Variants in CDR2 observed in about 807,000 individuals in gnomAD.
The protein encoded by CDR2 is cerebellar degeneration related protein 2.
Under a neutral mutation model 48.4 loss-of-function variants are expected in CDR2, and 34 were observed. The observed-to-expected ratio is 0.70, with a 90% CI of 0.53 to 0.94. The LOEUF is 0.94. Among genes scored for constraint, CDR2 ranks in the 40% least tolerant of loss-of-function variants. The pLI, the probability that CDR2 is intolerant of heterozygous loss-of-function variation, is 0.00. For missense variants in CDR2, 498 were observed against 549.5 expected, an observed-to-expected ratio of 0.91 and a Z score of 0.94; for synonymous variants, 240 against 219.7, an observed-to-expected ratio of 1.09 and a Z score of -0.82.
chr16:22,369,263 T>C (rs1265766642), intron 1 of CDR2, among the ~76,000 whole-genome samples: 4 of 132,374 alleles, frequency 3.0e-5, no homozygotes, highest in Non-Finnish European at 4.7e-5. Flanking sequence ...ATGGGCAACA[T>C]AGCAAGACCT....
intron 2 of CDR2, among the ~76,000 whole-genome samples, chr16:22,358,519 C>T (rs2048991062): frequency 6.6e-6 from 1 of 151,892 alleles, no homozygotes; most frequent in Non-Finnish European, 1.5e-5. Flanking sequence ...ACATAAATAC[C>T]TATTTGCAAT....
chr16:22,346,924 GAT>G lies in CDR2; in HGVS notation c.*39_*40del, dbSNP rs750515691. ...ACTTGTCTGAATGGGAGAGAGAGGC[GAT>G]AGGCAATAGGCAAATTAGTAGTAGA... On this transcript the variant is annotated 3_prime_UTR_variant, in exon 5 of 5. Coordinates refer to ENST00000268383, the MANE Select transcript of CDR2 (RefSeq NM_001802.2). 11 of 1,575,608 alleles carry G rather than the reference GAT, an allele frequency of 7.0e-6. No individual in the cohort carries two copies. Among genetic ancestry groups the G allele is most frequent in the African/African-American group, 1.3e-5 (1 of 74,238 alleles).
At chr16:22,373,951 C>G (rs747544625) in intron 1 of CDR2, among the ~76,000 whole-genome samples, 31 of 152,244 alleles carry the variant, frequency 2.0e-4, no homozygotes, top group Non-Finnish European at 4.0e-4. Context: ...ATTAAACTAG[C>G]TAATCCACGG....
intron 2 of CDR2, among the ~76,000 whole-genome samples, chr16:22,357,579 A>C (rs2048983505): frequency 6.6e-6 from 1 of 152,134 alleles, no homozygotes; most frequent in Non-Finnish European, 1.5e-5. Context: ...TTAACCATGA[A>C]TTCTCTCCCC....
chr16:22,347,097 C>T lies in CDR2; in HGVS notation c.1233G>A (p.Glu411=), dbSNP rs775394510. ...GAGGTGTTGTAGGGGAACTCACGGG[C>T]TCTGGGTTGACAGAGGCCAGTTCCC... ...SGWELASVNP[E]PVSSPTTPPE... Residue 411 remains glutamate, a synonymous_variant, in exon 5 of 5, where the codon GAG becomes GAA. Transcript: ENST00000268383. 41 of 1,614,076 alleles carry T rather than the reference C, an allele frequency of 2.5e-5. No homozygotes were observed. Among genetic ancestry groups the T allele is most frequent in the Non-Finnish European group, 3.5e-5 (41 of 1,180,028 alleles).
intron 2 of CDR2, among the ~76,000 whole-genome samples, chr16:22,355,917 C>G (rs2048971586): frequency 6.6e-6 from 1 of 152,126 alleles, no homozygotes; most frequent in East Asian, 1.9e-4. Context: ...GATCTTTATA[C>G]TATGTTTGTC....
At position 22,349,358 on chromosome 16, in the gene CDR2, T is replaced by G. The variant is rs780515343; in HGVS notation, c.427A>C (p.Arg143=). 6.2e-7 allele frequency: 1 copy of G among 1,614,172 alleles called. No individual in the cohort carries two copies. Among genetic ancestry groups the G allele is most frequent in the South Asian group, 1.1e-5 (1 of 91,086 alleles). ...VEELKSSGQG[R]RSPGKCDQEK... ...TGGTCACACTTTCCCGGGCTCCTTC[T>G]CCCTTGGCCAGATGACTTCAGCTCC... Residue 143 remains arginine (R), a synonymous_variant, in exon 4 of 5, where the codon AGA becomes CGA. Transcript: ENST00000268383.
chr16:22,374,162 T>A lies in CDR2; in HGVS notation c.79+69A>T, dbSNP rs2049100415. On this transcript the variant is annotated intron_variant, in intron 1 of 4. Coordinates refer to ENST00000268383, the MANE Select transcript of CDR2 (RefSeq NM_001802.2). ...CTCCGCCGCCACAAAAAGCAACTTT[T>A]TAACAGTTTCGCAGCGGGGGCCTCC... The A allele has an allele frequency of 3.8e-6, 4 of 1,051,726 alleles. No homozygotes were observed. The South Asian group carries it at 5.4e-5, about 14-fold the overall frequency. The allele number at this position is 1,051,726 out of a possible 1,614,324, so 65.1% of individuals were successfully genotyped here. A position where few individuals can be genotyped will look rare whatever the true frequency, so the allele number is the denominator to read the frequency against.
chr16:22,374,189 G>T, intron 1 of CDR2, 42 bp downstream of exon 1: 1 of 1,381,542 alleles, frequency 7.2e-7, no homozygotes, highest in Non-Finnish European at 1.0e-6. Context: ...GGGGCCTCCC[G>T]GGCCAGGCCG....
intron 2 of CDR2, among the ~76,000 whole-genome samples, chr16:22,363,237 C>T (rs1046214642): frequency 1.3e-5 from 2 of 152,130 alleles, no homozygotes; most frequent in Non-Finnish European, 2.9e-5. Context: ...CCATCGCGCC[C>T]GGCCTACAGT....
At chr16:22,364,851 C>T in intron 2 of CDR2, 51 bp downstream of exon 2, 1 of 1,051,140 alleles carries the variant, frequency 9.5e-7, no homozygotes, top group Non-Finnish European at 1.5e-6. Context: ...ATTGGCATAA[C>T]AGCAACACAT....
In CDR2 at chr16:22,349,682, C is replaced by CA. The variant is rs755217086; in HGVS notation, c.341+18dup. Reference sequence around the variant, plus strand: ...GAACTTCCCCCTAGTCCTTCCTTGTCAGATTCTAGAAAATTTACCTCAGAA... The same window carrying CA: ...GAACTTCCCCCTAGTCCTTCCTTGTCAAGATTCTAGAAAATTTACCTCAGAA... On this transcript the variant is annotated intron_variant, in intron 3 of 4. Coordinates refer to ENST00000268383, the MANE Select transcript of CDR2 (RefSeq NM_001802.2). 8 of 1,612,824 alleles carry CA rather than the reference C, an allele frequency of 5.0e-6. No homozygotes were observed. The Admixed American group carries it at 1.3e-4, about 27-fold the overall frequency.
intron 2 of CDR2, among the ~76,000 whole-genome samples, chr16:22,354,016 A>C (rs1439270200): frequency 6.6e-6 from 1 of 152,214 alleles, no homozygotes; most frequent in Non-Finnish European, 1.5e-5. Flanking sequence ...TAAATTGCTC[A>C]ATAAGGAGAA....
intron 1 of CDR2, among the ~76,000 whole-genome samples, chr16:22,373,874 C>A (rs1364451516): frequency 6.6e-6 from 1 of 152,242 alleles, no homozygotes; most frequent in Non-Finnish European, 1.5e-5. Flanking sequence ...GGCGGCTTCT[C>A]GGGCTATGCC....
rs377055084 is a variant in CDR2, at chr16:22,347,493, C to A, written c.837G>T (p.Leu279=). ...GGCTGGGCTCTTTGAAAGGAACATA[C>A]AGAGAGTCTGGCACCAGCTTCTCAA... is the stretch of plus-strand genomic sequence containing the variant. The part of the protein sequence containing the change: ...NGVEKLVPDS[L]YVPFKEPSQS... The change falls in exon 5 of 5, where the codon CTG becomes CTT. Residue 279 remains leucine, a synonymous_variant. Coordinates refer to ENST00000268383, the MANE Select transcript of CDR2 (RefSeq NM_001802.2). The A allele has an allele frequency of 6.2e-7, 1 of 1,613,986 alleles. No individual in the cohort carries two copies. Among genetic ancestry groups the A allele is most frequent in the Non-Finnish European group, 8.5e-7 (1 of 1,180,048 alleles).
rs1258777971 is a variant in CDR2, at chr16:22,360,737, ATCTTTT to A, written c.192+4159_192+4164del. 1.2e-4 allele frequency among the ~76,000 whole-genome samples: 13 copies of A among 104,370 alleles called. No homozygotes were observed. The South Asian group carries it at 1.7e-3, about 14-fold the overall frequency. The allele number at this position is 104,370 out of a possible 152,430, so 68.5% of individuals were successfully genotyped here. On this transcript the variant is annotated intron_variant, in intron 2 of 4. Coordinates refer to ENST00000268383, the MANE Select transcript of CDR2 (RefSeq NM_001802.2). ...TATATTTTTCTGAATTAAAAAAATG[ATCTTTT>A]TTTTTTTTTTTTTTTTTTTTTTTTG...
chr16:22,353,904 A>G (rs1001959905), intron 2 of CDR2, among the ~76,000 whole-genome samples: 9 of 152,292 alleles, frequency 5.9e-5, no homozygotes, highest in Admixed American at 3.3e-4. Flanking sequence ...GCACTCATGA[A>G]GGTTGAGGAA....
chr16:22,349,348 G>A lies in CDR2; in HGVS notation c.437C>T (p.Pro146Leu), dbSNP rs369299687. 67 of 1,613,956 alleles carry A rather than the reference G, an allele frequency of 4.2e-5. No individual in the cohort carries two copies. Among genetic ancestry groups the A allele is most frequent in the Non-Finnish European group, 5.1e-5 (60 of 1,180,034 alleles). The change falls in exon 4 of 5, where the codon CCG (proline) becomes CTG (leucine). Residue 146 changes from proline (P) to leucine (L), a missense_variant. Physicochemically the swap from Pro to Leu is moderately conservative, Grantham distance 98. Coordinates refer to ENST00000268383, the MANE Select transcript of CDR2 (RefSeq NM_001802.2). ...CGGTTTCTCCTGGTCACACTTTCCC[G>A]GGCTCCTTCTCCCTTGGCCAGATGA... ...LKSSGQGRRS[P>L]GKCDQEKPAP...
In CDR2 at chr16:22,374,615, G is replaced by A. The variant is rs904916451; in HGVS notation, c.-306C>T. ...GCCGCCGGGCCCAACGTGGCACTTT[G>A]GCAGAACCCTCCCCGGCCGGGGATG... On this transcript the variant is annotated 5_prime_UTR_variant, in exon 1 of 5. Coordinates refer to ENST00000268383, the MANE Select transcript of CDR2 (RefSeq NM_001802.2). The A allele has an allele frequency of 1.2e-5, 2 of 164,000 alleles. No homozygotes were observed. Among genetic ancestry groups the A allele is most frequent in the African/African-American group, 4.8e-5 (2 of 41,782 alleles). The allele number at this position is 164,000 out of a possible 1,614,324, so 10.2% of individuals were successfully genotyped here.
Sources: allele counts gnomAD v4.1 joint callset (sites outside exome capture counted in the v4.1 genomes callset), GRCh38; gene constraint gnomAD v4.1.1; transcripts MANE v1.5; gene names NCBI Gene and HGNC (gene_info 2026-07-23, HGNC 2026-07-21).